Variants in TTC7B observed in about 807,000 individuals in gnomAD.
The protein encoded by TTC7B is tetratricopeptide repeat domain 7B, also known as tetratricopeptide repeat protein 7B.
TTC7B carries 28 observed loss-of-function variants against 106.8 expected under a neutral mutation model. The observed-to-expected ratio is 0.26, with a 90% CI of 0.19 to 0.36. The LOEUF (loss-of-function observed/expected upper bound fraction) is 0.36. Among genes scored for constraint, TTC7B ranks in the 10% least tolerant of loss-of-function variants. The pLI is 1.00. For missense variants in TTC7B, 862 were observed against 1,076.4 expected (o/e 0.80, Z 2.79); for synonymous variants, 405 against 430.6 (o/e 0.94, Z 0.74).
At chr14:90,764,697 G>T (rs1029015501) in intron 3 of TTC7B, among the ~76,000 whole-genome samples, 4 of 152,022 alleles carry the variant, frequency 2.6e-5, no homozygotes, top group Non-Finnish European at 5.9e-5. Flanking sequence ...TGGCCAATAA[G>T]CACATGAAAA....
intron 5 of TTC7B, among the ~76,000 whole-genome samples, chr14:90,723,505 C>T (rs1167862896): frequency 6.6e-6 from 1 of 152,190 alleles, no homozygotes; most frequent in Non-Finnish European, 1.5e-5. Flanking sequence ...GCTTCTACTA[C>T]ATTGGACTCC....
intron 1 of TTC7B, among the ~76,000 whole-genome samples, chr14:90,803,654 G>A (rs950893724): frequency 6.6e-6 from 1 of 152,302 alleles, no homozygotes; most frequent in Admixed American, 6.5e-5. Flanking sequence ...ACAATATTCT[G>A]GGAAAATCTT....
At chr14:90,568,822 T>C (rs2139792844) in intron 19 of TTC7B, among the ~76,000 whole-genome samples, 1 of 152,128 alleles carries the variant, frequency 6.6e-6, no homozygotes, top group East Asian at 1.9e-4. Flanking sequence ...ACGGCAGAGG[T>C]TCTTATTCCC....
At chr14:90,598,615 T>A (rs1381098690) in intron 17 of TTC7B, among the ~76,000 whole-genome samples, 1 of 152,238 alleles carries the variant, frequency 6.6e-6, no homozygotes, top group Non-Finnish European at 1.5e-5. Flanking sequence ...TGAGGTTTTC[T>A]GACCCGTGCT....
At position 90,808,184 on chromosome 14, in the gene TTC7B, G is replaced by A. The variant is rs553820562; in HGVS notation, c.121+7991C>T. ...CAAGAGGCTGGGCACAGTGGCTCAC[G>A]CCTGTAATCCCAGCACTTTGGGAGG... On this transcript the variant is annotated intron_variant, in intron 1 of 19. Coordinates refer to ENST00000328459, the MANE Select transcript of TTC7B (RefSeq NM_001010854.2). The surrounding 1 kb of genome is among the most constrained non-coding windows in gnomAD (Gnocchi z 4.2). Among the ~76,000 whole-genome samples, 1 of 152,320 alleles carries A rather than the reference G, an allele frequency of 6.6e-6. No individual in the cohort carries two copies. Among genetic ancestry groups the A allele is most frequent in the South Asian group, 2.1e-4 (1 of 4,822 alleles).
intron 13 of TTC7B, among the ~76,000 whole-genome samples, chr14:90,647,774 T>G (rs1407593896): frequency 5.3e-5 from 8 of 152,076 alleles, no homozygotes; most frequent in Non-Finnish European, 1.0e-4. Context: ...AACTCAAAAT[T>G]TGACTACATA....
rs1174522117 is a variant in TTC7B, at chr14:90,535,582, C to T, written c.*5786G>A. 1.3e-5 allele frequency: 2 copies of T among 152,524 alleles called. No individual in the cohort carries two copies. Among genetic ancestry groups the T allele is most frequent in the African/African-American group, 4.8e-5 (2 of 41,432 alleles). 9.4% of individuals were successfully genotyped at this position (152,524 alleles called of 1,614,324 possible). A position where few individuals can be genotyped will look rare whatever the true frequency, so the allele number is the denominator to read the frequency against. On this transcript the variant is annotated 3_prime_UTR_variant, in exon 20 of 20. Transcript: ENST00000328459. Reference sequence around the variant, plus strand: ...GCTCAGCGAGGCCGCCTTCAACACTCAACACGGCCCCTTCCCCACCGGACT... The same window carrying T: ...GCTCAGCGAGGCCGCCTTCAACACTTAACACGGCCCCTTCCCCACCGGACT...
chr14:90,738,356 T>C (rs1889625666), intron 4 of TTC7B, among the ~76,000 whole-genome samples: 1 of 152,126 alleles, frequency 6.6e-6, no homozygotes. Flanking sequence ...ATGCCTATAA[T>C]CCCAGCATTT....
chr14:90,650,486 T>C (rs976409336), intron 13 of TTC7B, among the ~76,000 whole-genome samples: 1 of 152,164 alleles, frequency 6.6e-6, no homozygotes, highest in African/African-American at 2.4e-5. Context: ...CCTCAAGAGA[T>C]TGGGATGGCT....
intron 15 of TTC7B, among the ~76,000 whole-genome samples, chr14:90,630,438 T>A (rs1033041410): frequency 6.6e-6 from 1 of 152,050 alleles, no homozygotes; most frequent in Non-Finnish European, 1.5e-5. Flanking sequence ...CAGCCACACA[T>A]GTTAACAAAG....
At chr14:90,723,037 C>A (rs944541984) in intron 5 of TTC7B, among the ~76,000 whole-genome samples, 2 of 152,192 alleles carry the variant, frequency 1.3e-5, no homozygotes, top group South Asian at 4.1e-4. Context: ...AAGTCAAACC[C>A]GTCTTCTGGT....
At chr14:90,705,609 G>A (rs576382281) in intron 5 of TTC7B, among the ~76,000 whole-genome samples, 8 of 152,178 alleles carry the variant, frequency 5.3e-5, no homozygotes, top group East Asian at 3.9e-4. Context: ...ATTGTATGGC[G>A]TAAGGGACTA....
chr14:90,706,256 G>A (rs1595302010), intron 5 of TTC7B, among the ~76,000 whole-genome samples: 3 of 150,714 alleles, frequency 2.0e-5, no homozygotes, highest in African/African-American at 4.9e-5. Flanking sequence ...TCCACCTCCC[G>A]GGTTCACACC....
Position 90,641,934 on chromosome 14 carries a change from C to CGTGTGCGT in TTC7B, c.1751+2113_1751+2114insACGCACAC, listed in dbSNP as rs1555384926. On this transcript the variant is annotated intron_variant, in intron 15 of 19. Transcript: ENST00000328459. The stretch of plus-strand genomic sequence containing the variant: ...TAATGAAAGAGCTTGTGTGTGTGTG[C>CGTGTGCGT]GTGTGTGTGTGTGTGTGTGTGTGTG... 2.9e-3 allele frequency among the ~76,000 whole-genome samples: 422 copies of CGTGTGCGT among 147,098 alleles called. 1 individual carries two copies. The highest frequency in any genetic ancestry group is 0.01 in the African/African-American group (396 of 39,310).
chr14:90,556,924 C>A (rs1202526141), intron 19 of TTC7B, among the ~76,000 whole-genome samples: 1 of 152,184 alleles, frequency 6.6e-6, no homozygotes, highest in African/African-American at 2.4e-5. Flanking sequence ...ACGGGGGGGA[C>A]ATGGGCAGGG....
intron 9 of TTC7B, among the ~76,000 whole-genome samples, chr14:90,674,601 C>T (rs2036506607): frequency 6.6e-6 from 1 of 152,234 alleles, no homozygotes; most frequent in South Asian, 2.1e-4. Flanking sequence ...ACACCTTGCT[C>T]CTGGCTGTAT....
intron 18 of TTC7B, among the ~76,000 whole-genome samples, chr14:90,592,164 T>C (rs1211329859): frequency 6.6e-6 from 1 of 152,110 alleles, no homozygotes; most frequent in Non-Finnish European, 1.5e-5. Flanking sequence ...TGGAATATCA[T>C]ACGATTAGCC....
At chr14:90,803,600 T>C (rs1457236117) in intron 1 of TTC7B, among the ~76,000 whole-genome samples, 2 of 152,162 alleles carry the variant, frequency 1.3e-5, no homozygotes, top group Non-Finnish European at 2.9e-5. Context: ...AAAGCAAAGA[T>C]GGCAAAAGGC....
At chr14:90,689,769 A>T in intron 6 of TTC7B, 57 bp from the exon 7 acceptor site, 1 of 1,560,450 alleles carries the variant, frequency 6.4e-7, no homozygotes, top group Non-Finnish European at 8.7e-7. Context: ...TTAGTCATTC[A>T]TTCAGTCAGT....
Sources: gnomAD v4.1 joint callset for allele counts (sites outside exome capture counted in the v4.1 genomes callset) on GRCh38, gnomAD v4.1.1 for gene constraint, Gnocchi (gnomAD v3.1) non-coding constraint, MANE v1.5 for transcripts, NCBI Gene and HGNC (gene_info 2026-07-23, HGNC 2026-07-21) for gene names.